The following RGS7 variants were observed in gnomAD, a reference collection of about 807,000 sequenced individuals.
The protein encoded by RGS7 is regulator of G-protein signaling 7.
A neutral mutation model predicts 81.1 loss-of-function variants in RGS7; 27 were observed. The ratio of observed to expected loss-of-function variants is 0.33; its 90% CI spans 0.25 to 0.46. The LOEUF (loss-of-function observed/expected upper bound fraction) is 0.46, where lower values mean the gene tolerates loss of function less well. RGS7 is among the 20% of genes least tolerant of loss of function. The pLI, the probability that RGS7 is intolerant of heterozygous loss-of-function variation, is 1.00. For missense variants in RGS7, 396 were observed against 607.4 expected, an observed-to-expected ratio of 0.65 and a Z score of 3.66; for synonymous variants, 208 against 207.7, an observed-to-expected ratio of 1.00 and a Z score of -0.01.
At chr1:240,927,755 C>A (rs1674692992) in intron 6 of RGS7, among the ~76,000 whole-genome samples, 1 of 152,070 alleles carries the variant, frequency 6.6e-6, no homozygotes, top group African/African-American at 2.4e-5. Flanking sequence ...ATAATTCAGG[C>A]AAGCTAAGCA....
intron 9 of RGS7, among the ~76,000 whole-genome samples, chr1:240,831,245 T>C (rs1253033398): frequency 1.3e-5 from 2 of 152,110 alleles, no homozygotes; most frequent in Non-Finnish European, 2.9e-5. Flanking sequence ...AGATCTATGA[T>C]ATCTAAGTCA....
intron 2 of RGS7, among the ~76,000 whole-genome samples, chr1:241,267,603 G>A (rs1411347252): frequency 2.6e-5 from 4 of 151,732 alleles, no homozygotes; most frequent in Admixed American, 1.3e-4. Context: ...CTCTCTATAC[G>A]TAGAACTTCC....
chr1:240,838,559 TG>T (rs749764547), intron 9 of RGS7, among the ~76,000 whole-genome samples: 1 of 152,192 alleles, frequency 6.6e-6, no homozygotes, highest in Non-Finnish European at 1.5e-5. Context: ...GATGTAGTGG[TG>T]TTAGAAAAGA....
intron 2 of RGS7, among the ~76,000 whole-genome samples, chr1:241,146,616 T>G (rs2068328516): frequency 6.6e-6 from 1 of 152,252 alleles, no homozygotes; most frequent in Non-Finnish European, 1.5e-5. Flanking sequence ...ATTCCCAACC[T>G]ACTCTATATG....
At chr1:241,008,912 C>CAAAAAAAAAAAAAAAAAAAAAAAAAAAA (rs33916247) in intron 3 of RGS7, among the ~76,000 whole-genome samples, 1 of 77,908 alleles carries the variant, frequency 1.3e-5, no homozygotes, top group Non-Finnish European at 2.4e-5. Context: ...ACTCTGTCTC[C>CAAAAAAAAAAAAAAAAAAAAAAAAAAAA]AAAAAAAAAA....
At chr1:240,841,125 C>T (rs759405656) in intron 9 of RGS7, among the ~76,000 whole-genome samples, 7 of 152,158 alleles carry the variant, frequency 4.6e-5, no homozygotes, top group Non-Finnish European at 8.8e-5. Context: ...CTCAAATGTT[C>T]TTTTCCTGTG....
At chr1:241,087,884 A>C (rs1172157637) in intron 3 of RGS7, among the ~76,000 whole-genome samples, 1 of 150,448 alleles carries the variant, frequency 6.6e-6, no homozygotes, top group Non-Finnish European at 1.5e-5. Flanking sequence ...AGAAGGCAGA[A>C]GTTGCAGTGA....
intron 2 of RGS7, among the ~76,000 whole-genome samples, chr1:241,275,026 G>A (rs2078119269): frequency 6.6e-6 from 1 of 152,180 alleles, no homozygotes; most frequent in African/African-American, 2.4e-5. Flanking sequence ...TGACAGAAAT[G>A]AGGAACAGGG....
rs138967179 is a variant in RGS7, at chr1:241,170,278, T to C, written c.79-71516A>G. Among the ~76,000 whole-genome samples the C allele has an allele frequency of 2.0e-4, 30 of 152,344 alleles. No homozygotes were observed. In the East Asian group the frequency reaches 3.3e-3, roughly 17 times the overall value. ...AAATAACAGATAAACTTAATTTTCATTTATATGCCTTTCTCTACTGCCTAC... is the reference window on the plus strand; with the variant it reads ...AAATAACAGATAAACTTAATTTTCACTTATATGCCTTTCTCTACTGCCTAC... On this transcript the variant is annotated intron_variant, in intron 2 of 18. Coordinates refer to ENST00000440928, the MANE Select transcript of RGS7 (RefSeq NM_001364886.1).
intron 3 of RGS7, among the ~76,000 whole-genome samples, chr1:241,004,260 T>C (rs1017062912): frequency 6.6e-6 from 1 of 152,166 alleles, no homozygotes; most frequent in African/African-American, 2.4e-5. Context: ...CCCCAGCCTT[T>C]CTTACTGCTG....
intron 10 of RGS7, among the ~76,000 whole-genome samples, chr1:240,825,592 G>T (rs1220787070): frequency 6.6e-6 from 1 of 152,156 alleles, no homozygotes; most frequent in Non-Finnish European, 1.5e-5. Context: ...TGTTGTTACT[G>T]ATTCACAAGA....
At chr1:240,789,429 G>T (rs1685598929) in intron 18 of RGS7, among the ~76,000 whole-genome samples, 1 of 152,312 alleles carries the variant, frequency 6.6e-6, no homozygotes, top group South Asian at 2.1e-4. Context: ...CTTAAACTCT[G>T]ACTGCTGGTG....
At position 241,215,200 on chromosome 1, in the gene RGS7, G is replaced by C. The variant is rs193055110; in HGVS notation, c.79-116438C>G. 1.4e-4 allele frequency among the ~76,000 whole-genome samples: 21 copies of C among 152,286 alleles called. 1 individual carries two copies. The East Asian group carries it at 3.7e-3, about 27-fold the overall frequency. On this transcript the variant is annotated intron_variant, in intron 2 of 18. Coordinates refer to ENST00000440928, the MANE Select transcript of RGS7 (RefSeq NM_001364886.1). ...AATTAAATTACTAATGAATCACCCTGACTATGCTGAGACTTGATGTGTTTC... is the reference window on the plus strand; with the variant it reads ...AATTAAATTACTAATGAATCACCCTCACTATGCTGAGACTTGATGTGTTTC...
chr1:240,987,947 A>T (rs1685917725), intron 3 of RGS7, among the ~76,000 whole-genome samples: 2 of 152,200 alleles, frequency 1.3e-5, no homozygotes, highest in Admixed American at 6.6e-5. Context: ...ATCATCAAAT[A>T]GCATGTAATA....
chr1:240,916,274 CAAAAAA>C (rs33925153), intron 6 of RGS7, among the ~76,000 whole-genome samples: 12 of 119,072 alleles, frequency 1.0e-4, no homozygotes, highest in African/African-American at 9.2e-5. Flanking sequence ...GAGACACTGT[CAAAAAA>C]AAAAAAAAAA....
chr1:240,914,306 T>C (rs1162746415), intron 6 of RGS7, among the ~76,000 whole-genome samples: 1 of 152,188 alleles, frequency 6.6e-6, no homozygotes, highest in East Asian at 1.9e-4. Flanking sequence ...TCTGCTTAGA[T>C]AAATACAATC....
intron 2 of RGS7, among the ~76,000 whole-genome samples, chr1:241,213,216 GTCA>G (rs1485370891): frequency 2.6e-5 from 4 of 152,180 alleles, no homozygotes; most frequent in Admixed American, 6.5e-5. Flanking sequence ...ACTTTGTAGT[GTCA>G]TGACTGACCG....
intron 2 of RGS7, among the ~76,000 whole-genome samples, chr1:241,220,959 A>AGAGAG (rs1182580890): frequency 2.3e-5 from 1 of 43,818 alleles, no homozygotes; most frequent in Non-Finnish European, 5.5e-5. Flanking sequence ...GCAAGGAAGG[A>AGAGAG]AGGAAGGAAG....
chr1:240,799,287 TTGTGTGTGTG>T (rs71678488), intron 18 of RGS7, among the ~76,000 whole-genome samples: 2,115 of 142,478 alleles, frequency 0.015, 38 homozygotes, highest in African/African-American at 0.044. Flanking sequence ...GTGTCTATGT[TTGTGTGTGTG>T]TGTGTGTGTG....
Sources: allele counts gnomAD v4.1 joint callset (sites outside exome capture counted in the v4.1 genomes callset), GRCh38; gene constraint gnomAD v4.1.1; transcripts MANE v1.5; gene names NCBI Gene and HGNC (gene_info 2026-07-23, HGNC 2026-07-21).